The following SPG21 variants were observed in gnomAD, a reference collection of about 807,000 sequenced individuals.
SPG21 encodes maspardin.
A neutral mutation model predicts 38.9 loss-of-function variants in SPG21; 26 were observed. That is an observed-to-expected ratio of 0.67 (90% CI 0.49 to 0.93). The LOEUF (loss-of-function observed/expected upper bound fraction) is 0.93, where lower values mean the gene tolerates loss of function less well. SPG21 is among the 40% of genes least tolerant of loss of function. The pLI, the probability that SPG21 is intolerant of heterozygous loss-of-function variation, is 0.00. For missense variants in SPG21, 333 were observed against 376.5 expected (o/e 0.88, Z 0.96); for synonymous variants, 136 against 128.9 (o/e 1.05, Z -0.37).
chr15:64,980,316 G>T (rs184898784), intron 3 of SPG21, among the ~76,000 whole-genome samples: 1 of 152,232 alleles, frequency 6.6e-6, no homozygotes, highest in African/African-American at 2.4e-5. Context: ...GTAAATGCTG[G>T]GCATGGAGAG....
Position 64,970,114 on chromosome 15 carries a change from C to T in SPG21, c.561G>A (p.Arg187=). The change falls in exon 6 of 9, where the codon AGG becomes AGA. Residue 187 remains arginine (R), a splice_region_variant and synonymous_variant. Transcript: ENST00000204566. ...CCCAACCCAATGTCATGATCCTTAC[C>T]CTGTCTACCATGAAATCAATGGCAT... is the stretch of plus-strand genomic sequence containing the variant. ...MADAIDFMVD[R]LESLGQSELA... is the part of the protein sequence containing the mutation. The T allele has an allele frequency of 6.2e-7, 1 of 1,611,520 alleles. No homozygotes were observed. Among genetic ancestry groups the T allele is most frequent in the Non-Finnish European group, 8.5e-7 (1 of 1,177,676 alleles).
chr15:64,981,902 C>T (rs2085892585), intron 2 of SPG21, among the ~76,000 whole-genome samples: 1 of 152,164 alleles, frequency 6.6e-6, no homozygotes, highest in African/African-American at 2.4e-5. Context: ...GGCCTCCAGG[C>T]TCTTTTTTCT....
intron 3 of SPG21, among the ~76,000 whole-genome samples, chr15:64,979,944 G>C (rs578122171): frequency 6.6e-6 from 1 of 151,432 alleles, no homozygotes; most frequent in Non-Finnish European, 1.5e-5. Context: ...TGGGAAACTG[G>C]ATTTAGACCA....
chr15:64,980,866 C>T lies in SPG21; in HGVS notation c.223G>A (p.Ala75Thr), dbSNP rs760497590. ...ALTGWGYRVI[A>T]LQYPVYWDHL... The stretch of plus-strand genomic sequence containing the variant: ...GAATTTTAATCAGTAATACTTACAG[C>T]GATAACCCGGTAACCCCATCCAGTC... Residue 75 changes from alanine (A) to threonine (T), a missense_variant and splice_region_variant, in exon 3 of 9, where the codon GCT becomes ACT. Coordinates refer to ENST00000204566, the MANE Select transcript of SPG21 (RefSeq NM_016630.7). The T allele has an allele frequency of 7.0e-5, 113 of 1,612,980 alleles. No homozygotes were observed. Among genetic ancestry groups the T allele is most frequent in the Middle Eastern group, 1.6e-4 (1 of 6,080 alleles).
At position 64,963,554 on chromosome 15, in the gene SPG21, G is replaced by A; in HGVS notation, c.*66C>T. 3 of 1,350,228 alleles carry A rather than the reference G, an allele frequency of 2.2e-6. No individual in the cohort carries two copies. The highest frequency in any genetic ancestry group is 1.1e-6 in the Non-Finnish European group (1 of 942,794). The allele number at this position is 1,350,228 out of a possible 1,614,324, so 83.6% of individuals were successfully genotyped here. ...ACCTGAAGGAAAAGGCTGGCTGACG[G>A]GTGCTGATGCCACTGACTATACAAG... On this transcript the variant is annotated 3_prime_UTR_variant, in exon 9 of 9. Coordinates refer to ENST00000204566, the MANE Select transcript of SPG21 (RefSeq NM_016630.7).
chr15:64,981,179 T>C (rs1289058012), intron 2 of SPG21, 154 bp from the exon 3 acceptor site: 1 of 761,744 alleles, frequency 1.3e-6, no homozygotes, highest in Non-Finnish European at 2.1e-6. Flanking sequence ...CATGACAAAC[T>C]CCTCTGATCT....
At chr15:64,981,243 A>T in intron 2 of SPG21, 2 of 547,534 alleles carry the variant, frequency 3.7e-6, no homozygotes, top group South Asian at 2.2e-5. Flanking sequence ...GAACTACTTT[A>T]TAATCTTCCA....
At chr15:64,969,430 GACA>G in intron 6 of SPG21, 68 bp from the exon 7 acceptor site, 1 of 1,122,540 alleles carries the variant, frequency 8.9e-7, no homozygotes, top group South Asian at 1.2e-5. Context: ...TAAATCCACA[GACA>G]ACATTTGTGC....
intron 3 of SPG21, among the ~76,000 whole-genome samples, chr15:64,980,291 C>G (rs1445625504): frequency 6.6e-6 from 1 of 152,140 alleles, no homozygotes; most frequent in Non-Finnish European, 1.5e-5. Flanking sequence ...AGAAGGGCGT[C>G]AGGAGAGAAT....
intron 3 of SPG21, among the ~76,000 whole-genome samples, chr15:64,977,320 C>T (rs1052054287): frequency 4.0e-5 from 6 of 151,880 alleles, no homozygotes; most frequent in Admixed American, 3.9e-4. Context: ...CTGCCTTGGC[C>T]TCCCAAAGTG....
intron 1 of SPG21, among the ~76,000 whole-genome samples, chr15:64,988,188 C>G (rs1409496545): frequency 6.6e-6 from 1 of 152,108 alleles, no homozygotes; most frequent in Non-Finnish European, 1.5e-5. Flanking sequence ...CACCACTGCA[C>G]TCCAGCCTGG....
chr15:64,967,977 A>G (rs1257487437), intron 7 of SPG21, among the ~76,000 whole-genome samples: 1 of 152,228 alleles, frequency 6.6e-6, no homozygotes, highest in East Asian at 1.9e-4. Context: ...ACACAACCCA[A>G]GTGACCACTG....
chr15:64,975,071 C>T (rs1392565931), intron 4 of SPG21, among the ~76,000 whole-genome samples: 5 of 151,864 alleles, frequency 3.3e-5, no homozygotes, highest in Non-Finnish European at 7.4e-5. Context: ...AGGCAGATCA[C>T]GAGGTCAGGA....
chr15:64,976,308 C>G lies in SPG21; in HGVS notation c.306+167G>C, dbSNP rs1359362560. Among the ~76,000 whole-genome samples, 4 of 152,236 alleles carry G rather than the reference C, an allele frequency of 2.6e-5. No homozygotes were observed. The East Asian group carries it at 7.7e-4, about 29-fold the overall frequency. On this transcript the variant is annotated intron_variant, in intron 4 of 8. Coordinates refer to ENST00000204566, the MANE Select transcript of SPG21 (RefSeq NM_016630.7). ...GGCATGGTGGCACACGCCTGTAATC[C>G]CAGCTATTTTGGAGACTGAGGCAGG...
chr15:64,963,541 A>G lies in SPG21; in HGVS notation c.*79T>C. ...GTGAGCCTGACGAACCTGAAGGAAA[A>G]GGCTGGCTGACGGGTGCTGATGCCA... is the stretch of plus-strand genomic sequence containing the variant. On this transcript the variant is annotated 3_prime_UTR_variant, in exon 9 of 9. Transcript: ENST00000204566. 2 of 1,210,118 alleles carry G rather than the reference A, an allele frequency of 1.7e-6. No homozygotes were observed. Among genetic ancestry groups the G allele is most frequent in the African/African-American group, 1.5e-5 (1 of 67,182 alleles). 75.0% of individuals were successfully genotyped at this position (1,210,118 alleles called of 1,614,324 possible). A position where few individuals can be genotyped will look rare whatever the true frequency, so the allele number is the denominator to read the frequency against.
intron 3 of SPG21, 74 bp downstream of exon 3, chr15:64,980,790 C>T: frequency 6.7e-7 from 1 of 1,502,074 alleles, no homozygotes; most frequent in Non-Finnish European, 9.2e-7. Flanking sequence ...ATTACTATAG[C>T]TGATGAGAGA....
chr15:64,975,442 C>T (rs1183386437), intron 4 of SPG21, among the ~76,000 whole-genome samples: 2 of 150,924 alleles, frequency 1.3e-5, no homozygotes, highest in Non-Finnish European at 2.9e-5. Flanking sequence ...GTGGGAGGAT[C>T]GCTTGAGCCC....
chr15:64,978,110 C>T (rs1277753120), intron 3 of SPG21, among the ~76,000 whole-genome samples: 2 of 149,944 alleles, frequency 1.3e-5, no homozygotes, highest in Admixed American at 6.6e-5. Flanking sequence ...GGATTACAGG[C>T]GTGAGCCACC....
intron 5 of SPG21, 139 bp from the exon 6 acceptor site, chr15:64,970,361 A>G (rs2085637635): frequency 1.4e-6 from 1 of 708,868 alleles, no homozygotes; most frequent in Non-Finnish European, 2.5e-6. Flanking sequence ...CTCAGCATCT[A>G]GTTTTTACAC....
Sources: gnomAD v4.1 joint callset for allele counts (sites outside exome capture counted in the v4.1 genomes callset) on GRCh38, gnomAD v4.1.1 for gene constraint, MANE v1.5 for transcripts, NCBI Gene and HGNC (gene_info 2026-07-23, HGNC 2026-07-21) for gene names.